CRACD: variants seen among roughly 807,000 people sequenced by gnomAD.
CRACD encodes the protein capping protein-inhibiting regulator of actin dynamics.
CRACD carries 56 observed loss-of-function variants against 106.8 expected under a neutral mutation model. The ratio of observed to expected loss-of-function variants is 0.52; its 90% CI spans 0.42 to 0.66. CRACD has a LOEUF of 0.66. Among genes scored for constraint, CRACD ranks in the 30% least tolerant of loss-of-function variants. The pLI, the probability that CRACD is intolerant of heterozygous loss-of-function variation, is 0.00. For synonymous variants in CRACD, 754 were observed against 670.8 expected, an observed-to-expected ratio of 1.12 and a Z score of -1.92; for missense variants, 1,730 against 1,623.2, an observed-to-expected ratio of 1.07 and a Z score of -1.13.
intron 5 of CRACD, among the ~76,000 whole-genome samples, chr4:56,308,050 T>C (rs1289241894): frequency 1.3e-5 from 2 of 152,192 alleles, no homozygotes; most frequent in Non-Finnish European, 2.9e-5. Flanking sequence ...CTGTTCTCCC[T>C]ATCTATGTCC....
At chr4:56,157,810 A>G (rs2109899163) in intron 1 of CRACD, among the ~76,000 whole-genome samples, 1 of 152,314 alleles carries the variant, frequency 6.6e-6, no homozygotes, top group Middle Eastern at 3.4e-3. Context: ...GAGGCACTGT[A>G]TGCCTCTCCC....
Position 56,079,261 on chromosome 4 carries a change from C to T in CRACD, c.-336+29962C>T, listed in dbSNP as rs138506486. Among the ~76,000 whole-genome samples the T allele has an allele frequency of 5.7e-3, 859 of 151,846 alleles. 9 individuals are homozygous for T. Among genetic ancestry groups the T allele is most frequent in the African/African-American group, 0.02 (806 of 41,148 alleles). On this transcript the variant is annotated intron_variant, in intron 1 of 10. Transcript: ENST00000682029. ...TGTGTATACCAAAGGTTATGACTGA[C>T]TCTGAAGATATATATGTAAAGATGT...
intron 1 of CRACD, among the ~76,000 whole-genome samples, chr4:56,106,332 G>A (rs1301593587): frequency 6.6e-6 from 1 of 152,200 alleles, no homozygotes; most frequent in Non-Finnish European, 1.5e-5. Context: ...AACTGAAAGA[G>A]CACAGTAAGA....
intron 2 of CRACD, among the ~76,000 whole-genome samples, chr4:56,249,670 TGGAGAAAG>T (rs1740933198): frequency 6.6e-6 from 1 of 152,212 alleles, no homozygotes; most frequent in Admixed American, 6.5e-5. Flanking sequence ...TGGAGTATTT[TGGAGAAAG>T]GGAGATGCCT....
rs755379760 is a variant in CRACD, at chr4:56,316,127, C to G, written c.2625C>G (p.Thr875=). Residue 875 remains threonine (T), a synonymous_variant, in exon 8 of 11, where the codon ACC becomes ACG. Coordinates refer to ENST00000682029, the MANE Select transcript of CRACD (RefSeq NM_001393381.1). ...EQKKKKRHSS[T]GDSADAGPPA... is the part of the protein sequence containing the mutation. Reference sequence around the variant, plus strand: ...AGAAGAAGAAGAGGCACAGCAGCACCGGAGACAGCGCGGATGCAGGGCCGC... The same window carrying G: ...AGAAGAAGAAGAGGCACAGCAGCACGGGAGACAGCGCGGATGCAGGGCCGC... 1.9e-6 allele frequency: 3 copies of G among 1,614,132 alleles called. No individual in the cohort carries two copies. Among genetic ancestry groups the G allele is most frequent in the Non-Finnish European group, 2.5e-6 (3 of 1,180,034 alleles).
At chr4:56,217,859 A>G (rs909897801) in intron 2 of CRACD, among the ~76,000 whole-genome samples, 2 of 152,140 alleles carry the variant, frequency 1.3e-5, no homozygotes, top group African/African-American at 4.8e-5. Context: ...TTAGGATTTT[A>G]TTTTTTGTTT....
chr4:56,057,108 A>G (rs1732101455), intron 1 of CRACD, among the ~76,000 whole-genome samples: 1 of 152,254 alleles, frequency 6.6e-6, no homozygotes, highest in African/African-American at 2.4e-5. Flanking sequence ...AAGAAATTTA[A>G]AATTACATAT....
chr4:56,285,856 G>C (rs1012685596), intron 3 of CRACD, among the ~76,000 whole-genome samples: 2 of 152,196 alleles, frequency 1.3e-5, no homozygotes, highest in African/African-American at 4.8e-5. Flanking sequence ...TGGAGGTTTA[G>C]AGACTTGCTG....
intron 2 of CRACD, among the ~76,000 whole-genome samples, chr4:56,217,003 G>GAA (rs74605138): frequency 8.9e-6 from 1 of 112,846 alleles, no homozygotes; most frequent in African/African-American, 3.2e-5. Context: ...AAAAAAAAAA[G>GAA]AAAAAAAAAA....
intron 1 of CRACD, among the ~76,000 whole-genome samples, chr4:56,161,384 T>C (rs1577702397): frequency 1.3e-5 from 2 of 152,172 alleles, no homozygotes; most frequent in South Asian, 4.2e-4. Context: ...TTGAGAATGA[T>C]TTTTTTTACA....
chr4:56,196,783 C>T (rs966578969), intron 2 of CRACD, among the ~76,000 whole-genome samples: 1 of 151,922 alleles, frequency 6.6e-6, no homozygotes, highest in Non-Finnish European at 1.5e-5. Flanking sequence ...ACTCACCTAA[C>T]TAATAAGACA....
chr4:56,257,802 T>C (rs1042356261), intron 2 of CRACD, among the ~76,000 whole-genome samples: 1 of 152,134 alleles, frequency 6.6e-6, no homozygotes, highest in Non-Finnish European at 1.5e-5. Context: ...CCGGCCATGG[T>C]GGCTCACGCC....
chr4:56,103,919 C>T (rs1387872942), intron 1 of CRACD, among the ~76,000 whole-genome samples: 1 of 152,150 alleles, frequency 6.6e-6, no homozygotes, highest in Admixed American at 6.5e-5. Flanking sequence ...GGATTACAGG[C>T]ATGTGCCACC....
chr4:56,078,453 C>T (rs1355917273), intron 1 of CRACD, among the ~76,000 whole-genome samples: 5 of 152,156 alleles, frequency 3.3e-5, no homozygotes, highest in African/African-American at 1.2e-4. Context: ...GTCACCCAGG[C>T]TAGAGTGCAG....
intron 1 of CRACD, among the ~76,000 whole-genome samples, chr4:56,171,032 G>T (rs1409933662): frequency 6.6e-6 from 1 of 152,114 alleles, no homozygotes; most frequent in Non-Finnish European, 1.5e-5. Context: ...GGTGGTGACA[G>T]AAATAACAGA....
intron 2 of CRACD, among the ~76,000 whole-genome samples, chr4:56,223,705 G>C (rs943691180): frequency 6.6e-6 from 1 of 152,138 alleles, no homozygotes; most frequent in Admixed American, 6.5e-5. Context: ...CTATTCCATT[G>C]ATTTACCTGT....
intron 1 of CRACD, among the ~76,000 whole-genome samples, chr4:56,057,251 CT>C (rs1732105066): frequency 6.6e-6 from 1 of 152,156 alleles, no homozygotes; most frequent in Non-Finnish European, 1.5e-5. Context: ...TGCCTGTAGT[CT>C]CTCCCTGCTA....
At chr4:56,297,068 A>G (rs1364463986) in intron 3 of CRACD, among the ~76,000 whole-genome samples, 2 of 151,994 alleles carry the variant, frequency 1.3e-5, no homozygotes, top group African/African-American at 2.4e-5. Context: ...TATAGGCGCC[A>G]GCCATCATGC....
intron 1 of CRACD, among the ~76,000 whole-genome samples, chr4:56,117,897 T>C (rs917274330): frequency 2.0e-5 from 3 of 151,976 alleles, no homozygotes; most frequent in East Asian, 3.9e-4. Flanking sequence ...TACCTGGGAT[T>C]ACAGGCGCCT....
Sources: allele counts gnomAD v4.1 joint callset (sites outside exome capture counted in the v4.1 genomes callset), GRCh38; gene constraint gnomAD v4.1.1; transcripts MANE v1.5; gene names NCBI Gene and HGNC (gene_info 2026-07-23, HGNC 2026-07-21).